TOGARAM2: variants seen among roughly 807,000 people sequenced by gnomAD.
TOGARAM2 encodes the protein TOG array regulator of axonemal microtubules 2.
A neutral mutation model predicts 93.3 loss-of-function variants in TOGARAM2; 85 were observed. The ratio of observed to expected loss-of-function variants is 0.91; its 90% CI spans 0.76 to 1.09. TOGARAM2 has a LOEUF of 1.09. TOGARAM2 is among the 50% of genes least tolerant of loss of function. The pLI, the probability that TOGARAM2 is intolerant of heterozygous loss-of-function variation, is 0.00. For missense variants in TOGARAM2, 1,277 were observed against 1,334.5 expected (o/e 0.96, Z 0.67); for synonymous variants, 593 against 552.8 (o/e 1.07, Z -1.02).
At chr2:28,974,239 T>C (rs1269932972) in intron 1 of TOGARAM2, among the ~76,000 whole-genome samples, 2 of 151,142 alleles carry the variant, frequency 1.3e-5, no homozygotes, top group African/African-American at 4.9e-5. Flanking sequence ...GTGATTCTCC[T>C]GCCTCAGCCT....
intron 13 of TOGARAM2, among the ~76,000 whole-genome samples, chr2:29,024,748 G>T (rs62130300): frequency 0.23 from 34,877 of 152,146 alleles, 4,503 homozygotes; most frequent in East Asian, 0.5. Context: ...GCACACCGTG[G>T]CTGTGGGAGC....
chr2:29,036,513 G>A (rs762265189), intron 17 of TOGARAM2, 28 bp from the exon 18 acceptor site: 1 of 1,612,186 alleles, frequency 6.2e-7, no homozygotes, highest in Non-Finnish European at 8.5e-7. Context: ...GGGTTCCCAT[G>A]GGCTCTTGGT....
intron 18 of TOGARAM2, among the ~76,000 whole-genome samples, chr2:29,041,214 G>A (rs908486123): frequency 1.4e-4 from 22 of 152,020 alleles, no homozygotes; most frequent in African/African-American, 5.3e-4. Context: ...AGTAGAGATG[G>A]GGTTTCACCA....
At chr2:28,958,596 C>T (rs1295528237) in intron 1 of TOGARAM2, among the ~76,000 whole-genome samples, 5 of 152,146 alleles carry the variant, frequency 3.3e-5, no homozygotes, top group South Asian at 4.1e-4. Flanking sequence ...GCCACTACAG[C>T]GGGCTGACAT....
At position 28,998,221 on chromosome 2, in the gene TOGARAM2, G is replaced by GAAGCATCAACTCCAGTCTGC; in HGVS notation, c.108_127dup (p.Pro43GlnfsTer22). ...GCTGGGCCCCGGGTGCTCCCGCCTGGAAGCATCAACTCCAGTCTGCCTCAT... is the reference window on the plus strand; with the variant it reads ...GCTGGGCCCCGGGTGCTCCCGCCTGGAAGCATCAACTCCAGTCTGCAAGCATCAACTCCAGTCTGCCTCAT... On this transcript the variant is annotated frameshift_variant, in exon 3 of 20. Transcript: ENST00000379558. LOFTEE classifies it high-confidence loss of function. 6.2e-7 allele frequency: 1 copy of GAAGCATCAACTCCAGTCTGC among 1,612,540 alleles called. No individual in the cohort carries two copies.
chr2:28,989,976 C>T (rs560672269), intron 1 of TOGARAM2, among the ~76,000 whole-genome samples: 6 of 152,286 alleles, frequency 3.9e-5, no homozygotes, highest in South Asian at 2.1e-4. Context: ...AGTGGCAGGC[C>T]GAACTCTGGA....
At chr2:28,968,742 C>T (rs1023290203) in intron 1 of TOGARAM2, among the ~76,000 whole-genome samples, 2 of 147,016 alleles carry the variant, frequency 1.4e-5, no homozygotes, top group African/African-American at 2.6e-5. Context: ...TCACTGAGCC[C>T]AGCAGGTGGA....
chr2:28,958,144 G>T (rs1451638569), intron 1 of TOGARAM2, among the ~76,000 whole-genome samples: 4 of 152,302 alleles, frequency 2.6e-5, no homozygotes, highest in South Asian at 2.1e-4. Flanking sequence ...TTTGCAACTT[G>T]AGCATTTTAG....
chr2:29,017,130 G>A (rs776921336), intron 8 of TOGARAM2, 24 bp from the exon 9 acceptor site: 3 of 1,607,176 alleles, frequency 1.9e-6, no homozygotes, highest in Admixed American at 1.7e-5. Context: ...GAGGTTAATA[G>A]AGTTTGCCTT....
chr2:29,022,114 T>C (rs746541413), intron 10 of TOGARAM2, 44 bp from the exon 11 acceptor site: 33 of 1,612,592 alleles, frequency 2.0e-5, no homozygotes, highest in Middle Eastern at 3.5e-4. Flanking sequence ...GGCTCTTGCC[T>C]GTCCTGCTGC....
At chr2:29,021,670 G>A (rs1664953124) in intron 10 of TOGARAM2, among the ~76,000 whole-genome samples, 2 of 152,182 alleles carry the variant, frequency 1.3e-5, no homozygotes, top group Non-Finnish European at 2.9e-5. Context: ...ACTCTTCCCT[G>A]CTTGTGGGCA....
chr2:29,042,312 C>A (rs1303753701), intron 18 of TOGARAM2, among the ~76,000 whole-genome samples: 1 of 152,246 alleles, frequency 6.6e-6, no homozygotes, highest in African/African-American at 2.4e-5. Context: ...TTATTCAGCA[C>A]CTGCAGTGTG....
chr2:28,999,525 G>T, intron 4 of TOGARAM2, 57 bp downstream of exon 4: 9 of 1,498,974 alleles, frequency 6.0e-6, no homozygotes, highest in East Asian at 2.4e-5. Flanking sequence ...AAGGGCCGCA[G>T]GCCTCCAGGG....
chr2:29,005,470 T>G (rs1288878670), intron 6 of TOGARAM2, among the ~76,000 whole-genome samples: 1 of 47,026 alleles, frequency 2.1e-5, no homozygotes, highest in African/African-American at 6.0e-5. Context: ...TGTGACTGCA[T>G]GTGTGTGCAT....
intron 1 of TOGARAM2, among the ~76,000 whole-genome samples, chr2:28,960,720 C>T (rs149262636): frequency 1.6e-4 from 24 of 152,262 alleles, no homozygotes; most frequent in Non-Finnish European, 1.5e-5. Context: ...TCGGAACTAC[C>T]CAGTACAACT....
At chr2:28,994,695 C>A (rs1558409593) in intron 1 of TOGARAM2, 30 bp from the exon 2 acceptor site, 8 of 778,134 alleles carry the variant, frequency 1.0e-5, no homozygotes, top group Non-Finnish European at 1.7e-5. Flanking sequence ...TTTGCTTTTA[C>A]TGACTTCTCC....
intron 4 of TOGARAM2, among the ~76,000 whole-genome samples, chr2:29,001,011 T>C (rs1000335556): frequency 2.6e-5 from 4 of 151,416 alleles, no homozygotes; most frequent in Non-Finnish European, 5.9e-5. Context: ...CCTAATGTTC[T>C]GATGGGCAGT....
At chr2:28,962,724 CCTCT>C (rs1009736721) in intron 1 of TOGARAM2, among the ~76,000 whole-genome samples, 3 of 150,932 alleles carry the variant, frequency 2.0e-5, no homozygotes, top group Admixed American at 6.6e-5. Flanking sequence ...TCTCCCTCTG[CCTCT>C]CTGTCTCCCT....
chr2:29,038,595 C>T (rs951357735), intron 18 of TOGARAM2, among the ~76,000 whole-genome samples: 2 of 152,152 alleles, frequency 1.3e-5, no homozygotes, highest in Admixed American at 1.3e-4. Context: ...AGGTGTGTGC[C>T]ACCACGCCTG....
Sources: gnomAD v4.1 joint callset for allele counts (sites outside exome capture counted in the v4.1 genomes callset) on GRCh38, gnomAD v4.1.1 for gene constraint, MANE v1.5 for transcripts, NCBI Gene and HGNC (gene_info 2026-07-23, HGNC 2026-07-21) for gene names.